The following TRHDE variants were observed in gnomAD, a reference collection of about 807,000 sequenced individuals.
The protein encoded by TRHDE is thyrotropin-releasing hormone-degrading ectoenzyme.
In TRHDE, 72 loss-of-function variants were observed where a neutral mutation model predicts 125.7. That is an observed-to-expected ratio of 0.57 (90% CI 0.47 to 0.70). The LOEUF is 0.70. Ranked by LOEUF, TRHDE falls within the 30% of genes least tolerant of loss-of-function variation. The pLI, the probability that TRHDE is intolerant of heterozygous loss-of-function variation, is 0.00. For synonymous variants in TRHDE, 509 were observed against 509.1 expected (o/e 1.00, Z 0.00); for missense variants, 1,110 against 1,327.1 (o/e 0.84, Z 2.54).
At chr12:72,187,958 G>A (rs1389288286) in intron 2 of TRHDE, among the ~76,000 whole-genome samples, 2 of 152,084 alleles carry the variant, frequency 1.3e-5, no homozygotes, top group Non-Finnish European at 2.9e-5. Flanking sequence ...TTAAACCAAG[G>A]AAGTAATATG....
intron 2 of TRHDE, among the ~76,000 whole-genome samples, chr12:72,290,148 G>T (rs1305783017): frequency 1.3e-5 from 2 of 152,198 alleles, no homozygotes; most frequent in Non-Finnish European, 2.9e-5. Flanking sequence ...TCATGGAGGA[G>T]ATAGGATTCA....
intron 7 of TRHDE, among the ~76,000 whole-genome samples, chr12:72,549,557 T>C (rs1170359415): frequency 6.6e-6 from 1 of 151,852 alleles, no homozygotes; most frequent in African/African-American, 2.4e-5. Flanking sequence ...GGTAAAAAGG[T>C]TAATAACTTG....
chr12:72,212,131 T>C (rs984299106), intron 2 of TRHDE, among the ~76,000 whole-genome samples: 4 of 152,148 alleles, frequency 2.6e-5, no homozygotes, highest in African/African-American at 9.6e-5. Context: ...GAATGTATTT[T>C]GTTTTATTTT....
chr12:72,604,824 T>A (rs1490874337), intron 12 of TRHDE, among the ~76,000 whole-genome samples: 1 of 152,104 alleles, frequency 6.6e-6, no homozygotes, highest in African/African-American at 2.4e-5. Context: ...AACTTAACTA[T>A]GAGACTGTTA....
intron 2 of TRHDE, among the ~76,000 whole-genome samples, chr12:72,260,765 G>T (rs1256765164): frequency 2.0e-5 from 3 of 152,116 alleles, no homozygotes; most frequent in African/African-American, 7.2e-5. Flanking sequence ...ACTACCAAAT[G>T]GAGCCTTCGT....
chr12:72,128,399 T>C (rs1457408364), intron 2 of TRHDE, among the ~76,000 whole-genome samples: 1 of 152,150 alleles, frequency 6.6e-6, no homozygotes, highest in Non-Finnish European at 1.5e-5. Flanking sequence ...TAAAATTGGA[T>C]ACTGAGCATT....
At chr12:72,477,098 G>A (rs949312100) in intron 5 of TRHDE, among the ~76,000 whole-genome samples, 1 of 152,094 alleles carries the variant, frequency 6.6e-6, no homozygotes, top group Non-Finnish European at 1.5e-5. Flanking sequence ...TTTGAAAATG[G>A]GAGAATTATA....
rs1411910524 is a variant in TRHDE at position 72,624,601 on chromosome 12, A to C, written c.2675+2850A>C. ...GCAAGGAGGGATAATGGGACCAAAA[A>C]GTACAATGAATAGCTAGAGATGGTA... On this transcript the variant is annotated intron_variant, in intron 15 of 18. Coordinates refer to ENST00000261180, the MANE Select transcript of TRHDE (RefSeq NM_013381.3). Among the ~76,000 whole-genome samples the C allele has an allele frequency of 2.0e-5, 3 of 151,974 alleles. No individual in the cohort carries two copies. The East Asian group carries it at 5.8e-4, about 29-fold the overall frequency.
At chr12:72,466,853 A>G (rs1330639830) in intron 3 of TRHDE, among the ~76,000 whole-genome samples, 2 of 151,980 alleles carry the variant, frequency 1.3e-5, no homozygotes, top group Non-Finnish European at 2.9e-5. Context: ...ACTCTGTTAC[A>G]TTTTCTTTGT....
intron 2 of TRHDE, among the ~76,000 whole-genome samples, chr12:72,155,660 C>G (rs1250134651): frequency 6.6e-6 from 1 of 152,224 alleles, no homozygotes; most frequent in East Asian, 1.9e-4. Context: ...AAGTCCACTC[C>G]AGACCCCGTT....
At chr12:72,636,963 C>A (rs1312876005) in intron 15 of TRHDE, among the ~76,000 whole-genome samples, 1 of 152,018 alleles carries the variant, frequency 6.6e-6, no homozygotes, top group African/African-American at 2.4e-5. Flanking sequence ...GTCTAAAATT[C>A]TCTTTTTTGG....
chr12:72,384,375 C>T (rs1196798565), intron 3 of TRHDE, among the ~76,000 whole-genome samples: 3 of 151,700 alleles, frequency 2.0e-5, no homozygotes, highest in South Asian at 2.1e-4. Context: ...GTGGTTTTGT[C>T]GAGGAGAGAA....
chr12:72,670,326 G>C lies in TRHDE; in HGVS notation c.*7131G>C, dbSNP rs1159738092. ...TATTCAGTAAAAATTGAATTAGTAC[G>C]TATTCAACATGAAATTTTTAGTCTT... On this transcript the variant is annotated 3_prime_UTR_variant, in exon 19 of 19. Coordinates refer to ENST00000261180, the MANE Select transcript of TRHDE (RefSeq NM_013381.3). The C allele has an allele frequency of 6.6e-6, 1 of 151,494 alleles. No homozygotes were observed. The highest frequency in any genetic ancestry group is 1.9e-4 in the East Asian group (1 of 5,140). The allele number at this position is 151,494 out of a possible 1,614,324, so 9.4% of individuals were successfully genotyped here.
chr12:72,535,867 C>T (rs1868832839), intron 6 of TRHDE, among the ~76,000 whole-genome samples: 3 of 152,060 alleles, frequency 2.0e-5, no homozygotes, highest in African/African-American at 4.8e-5. Context: ...TTTAAAAGTA[C>T]TTTGATTTTG....
chr12:72,433,936 G>A (rs1045084992), intron 3 of TRHDE, among the ~76,000 whole-genome samples: 9 of 152,118 alleles, frequency 5.9e-5, no homozygotes, highest in Admixed American at 1.3e-4. Context: ...TACTGTAGCC[G>A]TTGACTGAGA....
chr12:72,431,898 C>T, intron 3 of TRHDE: 1 of 175,904 alleles, frequency 5.7e-6, no homozygotes. Flanking sequence ...GAGAAATTTG[C>T]TAATCAGAAG....
At chr12:72,494,686 C>T (rs1050210163) in intron 5 of TRHDE, among the ~76,000 whole-genome samples, 3 of 152,006 alleles carry the variant, frequency 2.0e-5, no homozygotes, top group African/African-American at 7.2e-5. Flanking sequence ...CAGGCAGAAG[C>T]CATTACAAGA....
At chr12:72,653,968 T>C (rs927534190) in intron 17 of TRHDE, among the ~76,000 whole-genome samples, 2 of 152,184 alleles carry the variant, frequency 1.3e-5, no homozygotes, top group Non-Finnish European at 2.9e-5. Context: ...CTGTGTCATA[T>C]TAAAACACTC....
chr12:72,578,102 T>C (rs1871080006), intron 12 of TRHDE, among the ~76,000 whole-genome samples: 1 of 152,178 alleles, frequency 6.6e-6, no homozygotes, highest in African/African-American at 2.4e-5. Context: ...CATCGTGCAC[T>C]CTTTGGCTTC....
Sources: gnomAD v4.1 joint callset for allele counts (sites outside exome capture counted in the v4.1 genomes callset) on GRCh38, gnomAD v4.1.1 for gene constraint, MANE v1.5 for transcripts, NCBI Gene and HGNC (gene_info 2026-07-23, HGNC 2026-07-21) for gene names.